Variants in FAM193A observed in about 807,000 individuals in gnomAD.
FAM193A encodes family with sequence similarity 193 member A, also known as protein FAM193A.
In FAM193A, 22 loss-of-function variants were observed where a neutral mutation model predicts 126.5. The ratio of observed to expected loss-of-function variants is 0.17; its 90% confidence interval spans 0.12 to 0.25. FAM193A has a LOEUF of 0.25. FAM193A is among the 10% of genes least tolerant of loss of function. The pLI is 1.00. For synonymous variants in FAM193A, 761 were observed against 646.8 expected, an observed-to-expected ratio of 1.18 and a Z score of -2.68; for missense variants, 1,675 against 1,672.8, an observed-to-expected ratio of 1.00 and a Z score of -0.02.
rs532761008 is a variant in FAM193A at position 2,583,560 on chromosome 4, G to A, written c.256-12524G>A. On this transcript the variant is annotated intron_variant, in intron 1 of 20. Transcript: ENST00000637812. ...TCTGCGCTACTGTCTTTGCTTCTTC[G>A]GGCTCTTTCAGATCTTTTCAGTGAT... Among the ~76,000 whole-genome samples the A allele has an allele frequency of 3.3e-5, 5 of 152,012 alleles. No homozygotes were observed. The South Asian group carries it at 8.3e-4, about 25-fold the overall frequency.
At chr4:2,704,261 CAA>C (rs958166050) in intron 19 of FAM193A, among the ~76,000 whole-genome samples, 20 of 89,268 alleles carry the variant, frequency 2.2e-4, no homozygotes, top group Admixed American at 2.6e-4. Context: ...GACTCCATCT[CAA>C]AAAAAAAAAA....
chr4:2,623,450 G>T (rs896092294), intron 2 of FAM193A, among the ~76,000 whole-genome samples: 2 of 151,874 alleles, frequency 1.3e-5, no homozygotes, highest in African/African-American at 2.4e-5. Flanking sequence ...GATTACAGGC[G>T]TGAGCCACCG....
At chr4:2,604,549 T>C (rs1741412376) in intron 2 of FAM193A, among the ~76,000 whole-genome samples, 1 of 152,210 alleles carries the variant, frequency 6.6e-6, no homozygotes, top group African/African-American at 2.4e-5. Flanking sequence ...CTTTAAGTCT[T>C]GGCGTATCAT....
At chr4:2,700,942 G>C (rs1319541145) in intron 19 of FAM193A, among the ~76,000 whole-genome samples, 4 of 151,964 alleles carry the variant, frequency 2.6e-5, no homozygotes, top group Admixed American at 1.3e-4. Flanking sequence ...TCCAGCGTGG[G>C]TGACAGAGAG....
intron 18 of FAM193A, among the ~76,000 whole-genome samples, chr4:2,698,359 G>A (rs1349308489): frequency 6.6e-6 from 1 of 152,194 alleles, no homozygotes; most frequent in Admixed American, 6.5e-5. Flanking sequence ...GATGGAGTTG[G>A]TCTCTCCTCT....
At chr4:2,719,328 TACATC>T (rs958364377) in intron 20 of FAM193A, among the ~76,000 whole-genome samples, 43 of 152,260 alleles carry the variant, frequency 2.8e-4, no homozygotes, top group African/African-American at 9.6e-4. Context: ...TTCTCATACC[TACATC>T]AGTGTAATTT....
chr4:2,590,281 C>T (rs1313877232), intron 1 of FAM193A, among the ~76,000 whole-genome samples: 1 of 151,256 alleles, frequency 6.6e-6, no homozygotes, highest in Non-Finnish European at 1.5e-5. Context: ...ACCATCCTGG[C>T]CAACGTGGTG....
At position 2,677,999 on chromosome 4, in the gene FAM193A, T is replaced by G. The variant is rs182195493; in HGVS notation, c.2331+5627T>G. On this transcript the variant is annotated intron_variant, in intron 13 of 20. Coordinates refer to ENST00000637812, the MANE Select transcript of FAM193A (RefSeq NM_001366318.2). ...TAGAGCAGTGTTTTGTAGTGTGTGTTTGTTTGTTTGTTTGTTTGAGACAGA... is the reference window on the plus strand; with the variant it reads ...TAGAGCAGTGTTTTGTAGTGTGTGTGTGTTTGTTTGTTTGTTTGAGACAGA... Among the ~76,000 whole-genome samples the G allele has an allele frequency of 2.6e-3, 371 of 143,358 alleles. 5 individuals carry two copies. Among genetic ancestry groups the G allele is most frequent in the Non-Finnish European group, 4.0e-3 (269 of 67,854 alleles). 94.0% of individuals were successfully genotyped at this position (143,358 alleles called of 152,430 possible).
intron 12 of FAM193A, among the ~76,000 whole-genome samples, chr4:2,664,833 G>A (rs1207027287): frequency 1.3e-5 from 2 of 152,070 alleles, no homozygotes; most frequent in Non-Finnish European, 2.9e-5. Flanking sequence ...AAAGTCCTGG[G>A]ATTACAAGCG....
chr4:2,590,857 C>CTCTA (rs112038973), intron 1 of FAM193A, among the ~76,000 whole-genome samples: 2,593 of 151,988 alleles, frequency 0.017, 62 homozygotes, highest in African/African-American at 0.052. Context: ...GAAACCCCGT[C>CTCTA]TCTACTAAAA....
chr4:2,695,078 G>C lies in FAM193A; in HGVS notation c.3225G>C (p.Lys1075Asn), dbSNP rs1350259793. The C allele has an allele frequency of 6.2e-7, 1 of 1,609,354 alleles. No homozygotes were observed. Among genetic ancestry groups the C allele is most frequent in the Non-Finnish European group, 8.5e-7 (1 of 1,177,876 alleles). The change falls in exon 17 of 21, where the codon AAG (lysine) becomes AAC (asparagine). Residue 1075 changes from lysine (K) to asparagine (N), a missense_variant. Lys to Asn is a moderately conservative substitution (Grantham distance 94, BLOSUM62 0). Around this residue, in one of 4 missense-constraint regions of FAM193A, gnomAD observed 54 missense variants for 114.8 expected, o/e 0.47. Transcript: ENST00000637812. ...GCACCTCGACCTCCACCAACCAGAA[G>C]GAGGGCAAGTACTGCGACTGCTGCT... ...SSSTSTSTNQ[K>N]EGKYCDCCYC...
chr4:2,617,595 C>G (rs149399677), intron 2 of FAM193A, among the ~76,000 whole-genome samples: 3 of 151,942 alleles, frequency 2.0e-5, no homozygotes, highest in East Asian at 3.9e-4. Context: ...CATTTTGTCT[C>G]CTGTTGACCT....
chr4:2,632,301 C>T (rs757714196), intron 5 of FAM193A, among the ~76,000 whole-genome samples: 3 of 152,120 alleles, frequency 2.0e-5, no homozygotes, highest in African/African-American at 7.2e-5. Flanking sequence ...TGTGGTGGCT[C>T]ATACCTGTAA....
At chr4:2,633,389 A>G (rs1227455127) in intron 5 of FAM193A, among the ~76,000 whole-genome samples, 1 of 151,990 alleles carries the variant, frequency 6.6e-6, no homozygotes, top group Non-Finnish European at 1.5e-5. Flanking sequence ...ACAGAGCGAG[A>G]CTCTGTCTCA....
In FAM193A at chr4:2,549,482, C is replaced by T. The variant is rs1446404716; in HGVS notation, c.255+12312C>T. On this transcript the variant is annotated intron_variant, in intron 1 of 20. Transcript: ENST00000637812. ...CGGGATCTCGGCTCACTGCAAGCTC[C>T]GCCTCCCGGGTTCACGCCATTCTCC... 4.3e-5 allele frequency among the ~76,000 whole-genome samples: 6 copies of T among 138,676 alleles called. 1 individual carries two copies. In the East Asian group the frequency reaches 8.5e-4, roughly 20 times the overall value. The allele number at this position is 138,676 out of a possible 152,430, so 91.0% of individuals were successfully genotyped here.
intron 13 of FAM193A, among the ~76,000 whole-genome samples, chr4:2,685,129 A>G (rs1715589590): frequency 6.6e-6 from 1 of 152,180 alleles, no homozygotes; most frequent in African/African-American, 2.4e-5. Context: ...CTAAGTCTCC[A>G]CTGAGAACTT....
chr4:2,652,505 C>A (rs1015082406), intron 7 of FAM193A, among the ~76,000 whole-genome samples: 5 of 152,140 alleles, frequency 3.3e-5, no homozygotes, highest in South Asian at 2.1e-4. Context: ...GGGAAACTTA[C>A]AATCATGGTG....
chr4:2,564,952 C>T lies in FAM193A; in HGVS notation c.255+27782C>T, dbSNP rs192406371. Among the ~76,000 whole-genome samples the T allele has an allele frequency of 3.9e-5, 6 of 152,100 alleles. No homozygotes were observed. In the East Asian group the frequency reaches 1.2e-3, roughly 29 times the overall value. ...TAGCTGAGACTACAGTCACATGCCA[C>T]CATGCCTGGTTAATTAAAAAGAAAT... On this transcript the variant is annotated intron_variant, in intron 1 of 20. Transcript: ENST00000637812.
Position 2,650,718 on chromosome 4 carries a change from A to G in FAM193A, c.1311+3886A>G, listed in dbSNP as rs34396271. 3.7e-3 allele frequency among the ~76,000 whole-genome samples: 560 copies of G among 152,276 alleles called. 3 individuals are homozygous for G. Among genetic ancestry groups the G allele is most frequent in the African/African-American group, 0.013 (542 of 41,550 alleles). On this transcript the variant is annotated intron_variant, in intron 7 of 20. Transcript: ENST00000637812. ...GTCTTGCCAACATGAGCTGCAGTCAAGTTGTATTGCATTAGGTCATTGAAA... is the reference window on the plus strand; with the variant it reads ...GTCTTGCCAACATGAGCTGCAGTCAGGTTGTATTGCATTAGGTCATTGAAA...
Sources: allele counts gnomAD v4.1 joint callset (sites outside exome capture counted in the v4.1 genomes callset), GRCh38; gene constraint gnomAD v4.1.1; regional missense constraint gnomAD v4.1.1; transcripts MANE v1.5; gene names NCBI Gene and HGNC (gene_info 2026-07-23, HGNC 2026-07-21).